Variants in ZNF487 observed in about 807,000 individuals in gnomAD.
The protein encoded by ZNF487 is KRAB domain only 1.
A neutral mutation model predicts 3.0 loss-of-function variants in ZNF487; 4 were observed. The observed-to-expected ratio is 1.35, with a 90% CI of 0.66 to 3.08. The LOEUF is 3.08. Among genes scored for constraint, ZNF487 ranks in the 30% most tolerant of loss-of-function variants. The pLI, the probability that ZNF487 is intolerant of heterozygous loss-of-function variation, is 0.01. For synonymous variants in ZNF487, 55 were observed against 34.6 expected (o/e 1.59, Z -2.06); for missense variants, 146 against 98.7 (o/e 1.48, Z -2.03).
At chr10:43,508,784 T>G in the ZNF487 span, among the ~76,000 whole-genome samples, 2 of 151,758 alleles carry the variant, frequency 1.3e-5, no homozygotes, top group Non-Finnish European at 2.9e-5. Flanking sequence ...AGGCGGAGGT[T>G]GTAGTGAGCT....
the ZNF487 span, among the ~76,000 whole-genome samples, chr10:43,493,706 AAAAAT>A: frequency 1.6e-5 from 1 of 61,414 alleles, no homozygotes; most frequent in Non-Finnish European, 3.3e-5. Context: ...AAAAAAAAAA[AAAAAT>A]ATATATATAT....
the ZNF487 span, among the ~76,000 whole-genome samples, chr10:43,514,149 G>T: frequency 1.3e-5 from 2 of 152,048 alleles, no homozygotes; most frequent in South Asian, 2.1e-4. Flanking sequence ...TGTTTTTGTT[G>T]TTTGTTTTTG....
intron 1 of ZNF487, among the ~76,000 whole-genome samples, chr10:43,450,023 T>G (rs1839950345): frequency 6.6e-6 from 1 of 152,116 alleles, no homozygotes; most frequent in Non-Finnish European, 1.5e-5. Flanking sequence ...ATTTAAATAC[T>G]GATACTTGAT....
Position 43,480,035 on chromosome 10 carries a change from C to CT in ZNF487, c.131-1391dup, listed in dbSNP as rs1175822676. 7.1e-5 allele frequency among the ~76,000 whole-genome samples: 6 copies of CT among 84,962 alleles called. No individual in the cohort carries two copies. In the East Asian group the frequency reaches 2.3e-3, roughly 33 times the overall value. 55.7% of individuals were successfully genotyped at this position (84,962 alleles called of 152,430 possible). Reference sequence around the variant, plus strand: ...TCTTTCTTTCTTTCTTTCTTTCTTTCTTTCTTTCTTTTTCTTTCTTTCTTC... The same window carrying CT: ...TCTTTCTTTCTTTCTTTCTTTCTTTCTTTTCTTTCTTTTTCTTTCTTTCTTC... On this transcript the variant is annotated intron_variant, in intron 3 of 3. Transcript: ENST00000437590.
chr10:43,473,705 C>T (rs370070179), intron 1 of ZNF487, among the ~76,000 whole-genome samples: 4 of 151,816 alleles, frequency 2.6e-5, no homozygotes, highest in Non-Finnish European at 4.4e-5. Context: ...AACTTACCTT[C>T]GCCACCTTTT....
intron 1 of ZNF487, among the ~76,000 whole-genome samples, chr10:43,444,640 G>A (rs2132039974): frequency 6.6e-6 from 1 of 152,224 alleles, no homozygotes; most frequent in South Asian, 2.1e-4. Context: ...CATGATCTCA[G>A]CTCACTGCAA....
At chr10:43,483,781 G>A (rs1032282713), downstream of ZNF487, among the ~76,000 whole-genome samples, 6 of 152,278 alleles carry the variant, frequency 3.9e-5, no homozygotes, top group African/African-American at 1.2e-4. Flanking sequence ...GCCTGCCTTG[G>A]CCTCCCAAAT....
intron 1 of ZNF487, among the ~76,000 whole-genome samples, chr10:43,466,661 A>G (rs564706970): frequency 1.3e-5 from 2 of 152,158 alleles, no homozygotes; most frequent in African/African-American, 4.8e-5. Flanking sequence ...TCGGCATCCC[A>G]TAGTGCTGGG....
At position 43,482,876 on chromosome 10, in the gene ZNF487, C is replaced by T. The variant is rs748687522; in HGVS notation, c.*954C>T. 4 of 530,428 alleles carry T rather than the reference C, an allele frequency of 7.5e-6. No individual in the cohort carries two copies. The highest frequency in any genetic ancestry group is 3.9e-5 in the Admixed American group (2 of 51,002). The allele number at this position is 530,428 out of a possible 1,614,324, so 32.9% of individuals were successfully genotyped here. ...AAATGTTCTACCACAAGTCATCCCT[C>T]ACAGTACATCAGAGAACCCACACAG... is the stretch of plus-strand genomic sequence containing the variant. On this transcript the variant is annotated 3_prime_UTR_variant, in exon 4 of 4. Coordinates refer to ENST00000437590, the MANE Select transcript of ZNF487 (RefSeq NM_001355444.3).
At chr10:43,508,574 C>G in the ZNF487 span, among the ~76,000 whole-genome samples, 1 of 150,610 alleles carries the variant, frequency 6.6e-6, no homozygotes, top group Non-Finnish European at 1.5e-5. Context: ...TTTGGGAGGC[C>G]GAGGCGGGTG....
the ZNF487 span, among the ~76,000 whole-genome samples, chr10:43,518,440 C>A: frequency 1.3e-5 from 2 of 152,224 alleles, no homozygotes; most frequent in Middle Eastern, 3.4e-3. Context: ...CACACAGGTT[C>A]CCAGACTGTC....
At position 43,466,601 on chromosome 10, in the gene ZNF487, C is replaced by T. The variant is rs138697161; in HGVS notation, c.-93-9120C>T. 4.6e-4 allele frequency among the ~76,000 whole-genome samples: 70 copies of T among 151,800 alleles called. No homozygotes were observed. In the East Asian group the frequency reaches 0.012, roughly 26 times the overall value. On this transcript the variant is annotated intron_variant, in intron 1 of 3. Transcript: ENST00000437590. ...TATTATTAGTAGAGACGGGGTTTCA[C>T]CATGTTTGTCAGGCTGGTCTCCAAC...
chr10:43,519,466 T>A, the ZNF487 span, among the ~76,000 whole-genome samples: 1 of 151,498 alleles, frequency 6.6e-6, no homozygotes, highest in Non-Finnish European at 1.5e-5. Context: ...ACCTAAAATG[T>A]AAGTTTTTTT....
the ZNF487 span, among the ~76,000 whole-genome samples, chr10:43,511,624 A>G: frequency 6.6e-6 from 1 of 152,298 alleles, no homozygotes; most frequent in East Asian, 1.9e-4. Flanking sequence ...GGCACTCATC[A>G]GTGACCATAG....
At chr10:43,452,739 A>G (rs565581729) in intron 1 of ZNF487, 2 of 151,910 alleles carry the variant, frequency 1.3e-5, no homozygotes, top group South Asian at 4.2e-4. Context: ...GCCTTTACAT[A>G]TTCTCTCTGT....
chr10:43,496,871 T>G, the ZNF487 span, among the ~76,000 whole-genome samples: 1 of 152,094 alleles, frequency 6.6e-6, no homozygotes, highest in African/African-American at 2.4e-5. Context: ...GTGGGGTACA[T>G]GTGAAGGTTT....
intron 1 of ZNF487, among the ~76,000 whole-genome samples, chr10:43,454,891 CTG>C (rs1452120050): frequency 1.1e-4 from 16 of 142,036 alleles, no homozygotes; most frequent in Non-Finnish European, 2.4e-4. Context: ...TGAGCCGTGA[CTG>C]CGCCACTACA....
chr10:43,495,179 C>T, the ZNF487 span, among the ~76,000 whole-genome samples: 2 of 150,906 alleles, frequency 1.3e-5, no homozygotes, highest in Non-Finnish European at 2.9e-5. Flanking sequence ...TATTAACCTG[C>T]CCTGTGTTTT....
chr10:43,446,471 C>T (rs567944424), intron 1 of ZNF487, among the ~76,000 whole-genome samples: 1 of 151,696 alleles, frequency 6.6e-6, no homozygotes, highest in South Asian at 2.1e-4. Flanking sequence ...CTCCTCACCT[C>T]CCAGATGGGG....
Sources: gnomAD v4.1 joint callset for allele counts (sites outside exome capture counted in the v4.1 genomes callset) on GRCh38, gnomAD v4.1.1 for gene constraint, MANE v1.5 for transcripts, NCBI Gene and HGNC (gene_info 2026-07-23, HGNC 2026-07-21) for gene names.